Variants in PPP4R4 observed in about 807,000 individuals in gnomAD.
The protein encoded by PPP4R4 is protein phosphatase 4 regulatory subunit 4, also known as serine/threonine-protein phosphatase 4 regulatory subunit 4.
PPP4R4 carries 70 observed loss-of-function variants against 121.8 expected under a neutral mutation model. That is an observed-to-expected ratio of 0.57 (90% CI 0.47 to 0.70). The LOEUF (loss-of-function observed/expected upper bound fraction) is 0.70, where lower values mean the gene tolerates loss of function less well. PPP4R4 is among the 30% of genes least tolerant of loss of function. The pLI is 0.00. For missense variants in PPP4R4, 875 were observed against 1,033.6 expected, an observed-to-expected ratio of 0.85 and a Z score of 2.10; for synonymous variants, 348 against 355.7, an observed-to-expected ratio of 0.98 and a Z score of 0.24.
At chr14:94,257,793 A>G (rs1215680582) in intron 17 of PPP4R4, among the ~76,000 whole-genome samples, 2 of 152,110 alleles carry the variant, frequency 1.3e-5, no homozygotes, top group East Asian at 3.8e-4. Context: ...TTTCCAGAAT[A>G]ATTTATTAAT....
chr14:94,184,396 C>T (rs1401802761), intron 2 of PPP4R4, among the ~76,000 whole-genome samples: 1 of 148,452 alleles, frequency 6.7e-6, no homozygotes, highest in East Asian at 1.9e-4. Flanking sequence ...GTAGCTGAGA[C>T]TACAGGCACT....
intron 2 of PPP4R4, among the ~76,000 whole-genome samples, chr14:94,186,429 T>C (rs533660748): frequency 6.6e-6 from 1 of 152,370 alleles, no homozygotes; most frequent in Admixed American, 6.5e-5. Context: ...GCCTATATCG[T>C]TAATTTACTG....
intron 2 of PPP4R4, among the ~76,000 whole-genome samples, chr14:94,202,793 A>G (rs1436414758): frequency 6.6e-6 from 1 of 152,058 alleles, no homozygotes; most frequent in Non-Finnish European, 1.5e-5. Flanking sequence ...CCTGGCCAAC[A>G]TGGTGAAACC....
chr14:94,176,155 C>T (rs377225098), intron 2 of PPP4R4, 28 bp downstream of exon 2: 1 of 1,557,820 alleles, frequency 6.4e-7, no homozygotes, highest in Admixed American at 1.7e-5. Flanking sequence ...TGTGAAATTG[C>T]TCTTCTTTTT....
intron 2 of PPP4R4, among the ~76,000 whole-genome samples, chr14:94,183,080 T>G (rs769634267): frequency 3.9e-5 from 6 of 152,218 alleles, no homozygotes; most frequent in Non-Finnish European, 8.8e-5. Context: ...AAGGTTTTAC[T>G]TGGCTACACT....
At chr14:94,242,215 A>G in intron 10 of PPP4R4, 74 bp from the exon 11 acceptor site, 2 of 1,484,884 alleles carry the variant, frequency 1.3e-6, no homozygotes, top group East Asian at 2.3e-5. Flanking sequence ...TTTAAGTGAA[A>G]CGATTATAAT....
chr14:94,233,669 T>C lies in PPP4R4; in HGVS notation c.533T>C (p.Val178Ala), dbSNP rs777988315. The C allele has an allele frequency of 2.5e-6, 4 of 1,591,154 alleles. No individual in the cohort carries two copies. In the African/African-American group the frequency reaches 4.1e-5, roughly 16 times the overall value. Residue 178 changes from valine (V) to alanine (A), a missense_variant, in exon 6 of 25, where the codon GTT becomes GCT. By Grantham distance (64) the Val-to-Ala change is moderately conservative (BLOSUM62 0). Coordinates refer to ENST00000304338, the MANE Select transcript of PPP4R4 (RefSeq NM_058237.2). ...TCTCTTTAGATTTTGAATCCACTTG[T>C]TTCCAAGGCACAACTTTCCCAAACA... Reference protein sequence around the residue: ...TLRHEILNPLVSKAQLSQTVQ... With the variant: ...TLRHEILNPLASKAQLSQTVQ...
intron 3 of PPP4R4, chr14:94,227,792 A>C: frequency 2.0e-6 from 2 of 987,710 alleles, no homozygotes; most frequent in Non-Finnish European, 2.4e-6. Flanking sequence ...AATTGATTTT[A>C]ATATTTATTT....
At chr14:94,249,248 T>G (rs1001718051) in intron 14 of PPP4R4, among the ~76,000 whole-genome samples, 17 of 152,148 alleles carry the variant, frequency 1.1e-4, no homozygotes, top group African/African-American at 3.1e-4. Context: ...TCTGCTTATG[T>G]ATATTTTTTA....
intron 2 of PPP4R4, among the ~76,000 whole-genome samples, chr14:94,203,705 G>A: frequency 6.6e-6 from 1 of 151,984 alleles, no homozygotes; most frequent in Non-Finnish European, 1.5e-5. Context: ...TTTTGCTTTT[G>A]GTAGTGTTTT....
chr14:94,192,845 T>C (rs12879985), intron 2 of PPP4R4, among the ~76,000 whole-genome samples: 96,377 of 151,994 alleles, frequency 0.63, 32,298 homozygotes, highest in Non-Finnish European at 0.75. Context: ...TGCTATGTAG[T>C]CAAAATTTTT....
At chr14:94,231,357 C>T (rs370639630) in intron 5 of PPP4R4, 42 bp downstream of exon 5, 1 of 1,485,186 alleles carries the variant, frequency 6.7e-7, no homozygotes, top group Non-Finnish European at 9.2e-7. Context: ...GTAAGTCACT[C>T]TAAGGTTTTT....
rs573093471 is a variant in PPP4R4 at position 94,200,004 on chromosome 14, C to T, written c.192-8460C>T. ...CAGGAGTTCCTGTCCTCACCTAGGT[C>T]CGTGGGCACAGGCCCAGGGGTGGTA... is the stretch of plus-strand genomic sequence containing the variant. On this transcript the variant is annotated intron_variant, in intron 2 of 24. Coordinates refer to ENST00000304338, the MANE Select transcript of PPP4R4 (RefSeq NM_058237.2). Among the ~76,000 whole-genome samples, 10 of 152,240 alleles carry T rather than the reference C, an allele frequency of 6.6e-5. No individual in the cohort carries two copies. In the South Asian group the frequency reaches 2.1e-3, roughly 32 times the overall value.
chr14:94,239,586 C>A (rs1053340381), intron 8 of PPP4R4, among the ~76,000 whole-genome samples: 1 of 151,820 alleles, frequency 6.6e-6, no homozygotes, highest in East Asian at 1.9e-4. Context: ...GCCCTTAGAC[C>A]AAATCTGGCC....
intron 5 of PPP4R4, among the ~76,000 whole-genome samples, chr14:94,231,710 A>G (rs1892048240): frequency 6.6e-6 from 1 of 152,154 alleles, no homozygotes; most frequent in Non-Finnish European, 1.5e-5. Context: ...TTTCAGGCTT[A>G]TATTTTACTA....
intron 2 of PPP4R4, among the ~76,000 whole-genome samples, chr14:94,190,529 AGGCAGAGGTT>A (rs1383094273): frequency 1.3e-5 from 2 of 152,004 alleles, no homozygotes; most frequent in East Asian, 3.8e-4. Flanking sequence ...TGACCCCGGG[AGGCAGAGGTT>A]GCAGTGAGCC....
chr14:94,234,793 G>T, intron 7 of PPP4R4, 124 bp downstream of exon 7: 1 of 726,178 alleles, frequency 1.4e-6, no homozygotes, highest in Non-Finnish European at 2.3e-6. Context: ...GAGATAAAGA[G>T]GAATGTGCTT....
At chr14:94,233,508 C>A in intron 5 of PPP4R4, 145 bp from the exon 6 acceptor site, 1 of 566,276 alleles carries the variant, frequency 1.8e-6, no homozygotes, top group South Asian at 2.6e-5. Context: ...TAAGATAATC[C>A]AAGTTATTGA....
intron 2 of PPP4R4, among the ~76,000 whole-genome samples, chr14:94,196,262 A>C (rs1053362871): frequency 4.1e-5 from 5 of 123,398 alleles, no homozygotes; most frequent in Middle Eastern, 0.011. Context: ...TTCTTTGTCT[A>C]TCTTATATAT....
Sources: allele counts gnomAD v4.1 joint callset (sites outside exome capture counted in the v4.1 genomes callset), GRCh38; gene constraint gnomAD v4.1.1; transcripts MANE v1.5; gene names NCBI Gene and HGNC (gene_info 2026-07-23, HGNC 2026-07-21).